The following CAMK2B variants were observed in gnomAD, a reference collection of about 807,000 sequenced individuals.
The protein encoded by CAMK2B is calcium/calmodulin-dependent protein kinase type II subunit beta.
In CAMK2B, 27 loss-of-function variants were observed where a neutral mutation model predicts 93.7. The ratio of observed to expected loss-of-function variants is 0.29; its 90% CI spans 0.21 to 0.40. The LOEUF is 0.40. Ranked by LOEUF, CAMK2B falls within the 10% of genes least tolerant of loss-of-function variation. The pLI, the probability that CAMK2B is intolerant of heterozygous loss-of-function variation, is 1.00. For synonymous variants in CAMK2B, 374 were observed against 358.8 expected (o/e 1.04, Z -0.48); for missense variants, 568 against 895.8 (o/e 0.63, Z 4.67).
rs1398984537 is a variant in CAMK2B at position 44,232,919 on chromosome 7, G to A, written c.1132-53C>T. ...GGAAAGAGAGGGAAAGTGAGAAGAG[G>A]AGGAAGCGGAGACCACCAGGAGGGG... On this transcript the variant is annotated intron_variant, in intron 15 of 23. Transcript: ENST00000395749. 3 of 1,527,048 alleles carry A rather than the reference G, an allele frequency of 2.0e-6. No individual in the cohort carries two copies. The East Asian group carries it at 6.8e-5, about 34-fold the overall frequency. The allele number at this position is 1,527,048 out of a possible 1,614,324, so 94.6% of individuals were successfully genotyped here. A position where few individuals can be genotyped will look rare whatever the true frequency, so the allele number is the denominator to read the frequency against.
intron 2 of CAMK2B, among the ~76,000 whole-genome samples, chr7:44,267,504 T>C (rs1427681864): frequency 6.6e-6 from 1 of 152,170 alleles, no homozygotes; most frequent in African/African-American, 2.4e-5. Flanking sequence ...CTTGGGCATC[T>C]TGCAAATCTG....
intron 5 of CAMK2B, among the ~76,000 whole-genome samples, chr7:44,249,976 T>C (rs1333829836): frequency 6.6e-6 from 1 of 152,162 alleles, no homozygotes; most frequent in Non-Finnish European, 1.5e-5. Context: ...CACCTCTCCA[T>C]GGTGTCCTTA....
rs1344758841 is a variant in CAMK2B, at chr7:44,217,755, TAAAG to T, written c.*1766_*1769del. ...CCTTGGCTTGATTTGTAGGGGAAGA[TAAAG>T]AAAATCCTTGTTGAAAACAATGTGA... On this transcript the variant is annotated 3_prime_UTR_variant, in exon 24 of 24. Coordinates refer to ENST00000395749, the MANE Select transcript of CAMK2B (RefSeq NM_001220.5). The T allele has an allele frequency of 1.3e-5, 2 of 152,190 alleles. No homozygotes were observed. Among genetic ancestry groups the T allele is most frequent in the Non-Finnish European group, 2.9e-5 (2 of 68,044 alleles). 9.4% of individuals were successfully genotyped at this position (152,190 alleles called of 1,614,324 possible). A position where few individuals can be genotyped will look rare whatever the true frequency, so the allele number is the denominator to read the frequency against.
At chr7:44,277,697 G>T (rs1056819921) in intron 2 of CAMK2B, among the ~76,000 whole-genome samples, 6 of 152,248 alleles carry the variant, frequency 3.9e-5, no homozygotes, top group African/African-American at 1.4e-4. Context: ...CAAGGGCCCA[G>T]AATCCTTCTC....
chr7:44,259,040 AG>A, intron 3 of CAMK2B, 114 bp from the exon 4 acceptor site: 2 of 972,212 alleles, frequency 2.1e-6, no homozygotes, highest in Non-Finnish European at 3.2e-6. Context: ...GGCTGCCCAG[AG>A]GATCGGGCTG....
intron 11 of CAMK2B, among the ~76,000 whole-genome samples, chr7:44,241,046 G>T (rs974442977): frequency 2.0e-5 from 3 of 152,174 alleles, no homozygotes; most frequent in Admixed American, 1.3e-4. Context: ...GGTCACCACG[G>T]CAGCTCCTCT....
intron 20 of CAMK2B, 49 bp downstream of exon 20, chr7:44,226,467 C>T (rs574460867): frequency 5.9e-5 from 80 of 1,355,060 alleles, no homozygotes; most frequent in South Asian, 5.0e-4. Context: ...TCGCACGCCC[C>T]GAGCCCCTCC....
chr7:44,220,809 C>CA lies in CAMK2B; in HGVS notation c.1673+16dup, dbSNP rs2096392467. On this transcript the variant is annotated intron_variant, in intron 21 of 23. Coordinates refer to ENST00000395749, the MANE Select transcript of CAMK2B (RefSeq NM_001220.5). ...ATCCTTGTCCTGCACAGCCCCCCCC[C>CA]AGCCCCAGGGACTCACGCGTAGGCC... 7.0e-6 allele frequency: 11 copies of CA among 1,561,336 alleles called. No homozygotes were observed. Among genetic ancestry groups the CA allele is most frequent in the Non-Finnish European group, 9.5e-6 (11 of 1,151,990 alleles).
intron 16 of CAMK2B, 132 bp downstream of exon 16, chr7:44,232,690 C>G: frequency 3.6e-6 from 3 of 828,110 alleles, no homozygotes; most frequent in Non-Finnish European, 5.9e-6. Context: ...GGGGCCCTAC[C>G]GTACTGCGGG....
At chr7:44,229,336 G>C (rs1263059544) in intron 18 of CAMK2B, 52 bp downstream of exon 18, 1 of 1,299,268 alleles carries the variant, frequency 7.7e-7, no homozygotes, top group Non-Finnish European at 1.1e-6. Flanking sequence ...CCTCTAGGGG[G>C]TTGCCAGCCC....
chr7:44,251,957 C>T (rs1168276717), intron 5 of CAMK2B, among the ~76,000 whole-genome samples: 1 of 152,184 alleles, frequency 6.6e-6, no homozygotes, highest in African/African-American at 2.4e-5. Flanking sequence ...TGCGGTCCCC[C>T]GGCCCACAGC....
intron 1 of CAMK2B, among the ~76,000 whole-genome samples, chr7:44,314,011 C>T (rs1273262819): frequency 6.6e-6 from 1 of 152,102 alleles, no homozygotes; most frequent in Admixed American, 6.5e-5. Context: ...CTGAGCCAGG[C>T]ATTGGCAGTC....
At chr7:44,320,054 C>A (rs542046048) in intron 1 of CAMK2B, among the ~76,000 whole-genome samples, 1 of 152,068 alleles carries the variant, frequency 6.6e-6, no homozygotes, top group Non-Finnish European at 1.5e-5. Flanking sequence ...TTTTACGGCA[C>A]GTACTTCTGT....
At chr7:44,297,088 G>C (rs1024156179) in intron 1 of CAMK2B, among the ~76,000 whole-genome samples, 1 of 152,170 alleles carries the variant, frequency 6.6e-6, no homozygotes, top group Non-Finnish European at 1.5e-5. Context: ...AGTGTTTTGG[G>C]TAATTATCAC....
At position 44,320,534 on chromosome 7, in the gene CAMK2B, G is replaced by A. The variant is rs116788901; in HGVS notation, c.65+4823C>T. 7.3e-3 allele frequency among the ~76,000 whole-genome samples: 1,109 copies of A among 152,220 alleles called. 14 individuals carry two copies. Among genetic ancestry groups the A allele is most frequent in the African/African-American group, 0.026 (1,069 of 41,530 alleles). ...ACAGTACCTACTTCACAGATCTAGC[G>A]CGTTAATATAATAAGCACCATTTAA... On this transcript the variant is annotated intron_variant, in intron 1 of 23. Coordinates refer to ENST00000395749, the MANE Select transcript of CAMK2B (RefSeq NM_001220.5).
intron 2 of CAMK2B, among the ~76,000 whole-genome samples, chr7:44,264,406 T>A (rs370365982): frequency 1.2e-4 from 19 of 152,048 alleles, no homozygotes; most frequent in African/African-American, 4.6e-4. Flanking sequence ...ATGTCTTGAG[T>A]GAGAAAGCCA....
intron 2 of CAMK2B, among the ~76,000 whole-genome samples, chr7:44,276,485 A>AG (rs1395371344): frequency 6.6e-6 from 1 of 152,108 alleles, no homozygotes; most frequent in African/African-American, 2.4e-5. Context: ...GGCTGGGGAA[A>AG]GGGGGGGCGT....
chr7:44,227,734 A>ATATGGGGGACAGAGGAGGG (rs1439682127), intron 19 of CAMK2B, among the ~76,000 whole-genome samples: 63 of 3,540 alleles, frequency 0.018, 3 homozygotes, highest in South Asian at 0.065. Flanking sequence ...ACAGAGGGGT[A>ATATGGGGGACAGAGGAGGG]TATGGGGGAC....
intron 1 of CAMK2B, among the ~76,000 whole-genome samples, chr7:44,313,630 C>T (rs751923199): frequency 2.0e-5 from 3 of 150,794 alleles, no homozygotes; most frequent in Admixed American, 1.3e-4. Flanking sequence ...GTGGTACAGA[C>T]GGCATCTTCC....
Sources: allele counts gnomAD v4.1 joint callset (sites outside exome capture counted in the v4.1 genomes callset), GRCh38; gene constraint gnomAD v4.1.1; transcripts MANE v1.5; gene names NCBI Gene and HGNC (gene_info 2026-07-23, HGNC 2026-07-21).